CACNA1C: variants seen among roughly 807,000 people sequenced by gnomAD.
The protein encoded by CACNA1C is calcium voltage-gated channel subunit alpha1 C.
In CACNA1C, 30 loss-of-function variants were observed where a neutral mutation model predicts 229.0. The observed-to-expected ratio is 0.13, with a 90% CI of 0.10 to 0.18. The LOEUF is 0.18. Among genes scored for constraint, CACNA1C ranks in the 10% least tolerant of loss-of-function variants. CACNA1C has a pLI of 1.00. For missense variants in CACNA1C, 1,658 were observed against 2,845.0 expected (o/e 0.58, Z 9.49); for synonymous variants, 1,114 against 1,132.5 (o/e 0.98, Z 0.33).
intron 38 of CACNA1C, among the ~76,000 whole-genome samples, chr12:2,673,983 A>T (rs2096672573): frequency 6.6e-6 from 1 of 152,220 alleles, no homozygotes; most frequent in Non-Finnish European, 1.5e-5. Flanking sequence ...TTCCTTTTTC[A>T]TCACTGTAAG....
intron 3 of CACNA1C, among the ~76,000 whole-genome samples, chr12:2,318,113 G>T (rs574297512): frequency 1.3e-5 from 2 of 151,852 alleles, no homozygotes; most frequent in East Asian, 3.9e-4. Context: ...CCGGCCCAGG[G>T]TTTGGAATAG....
chr12:2,501,236 T>TAAAAAAAAAAAAAAAAAAAAAAAAAAAA (rs2099759477), intron 7 of CACNA1C, among the ~76,000 whole-genome samples: 1 of 87,858 alleles, frequency 1.1e-5, no homozygotes. Context: ...AAAAAAAAAG[T>TAAAAAAAAAAAAAAAAAAAAAAAAAAAA]AAAGCAATAC....
intron 1 of CACNA1C, among the ~76,000 whole-genome samples, chr12:2,082,531 G>A (rs532471576): frequency 3.9e-5 from 6 of 152,246 alleles, no homozygotes; most frequent in Admixed American, 2.0e-4. Flanking sequence ...ATGCAGGAGC[G>A]ATCATAGCAT....
At chr12:1,982,809 T>A (rs2154465920) in intron 1 of CACNA1C, among the ~76,000 whole-genome samples, 1 of 152,260 alleles carries the variant, frequency 6.6e-6, no homozygotes, top group African/African-American at 2.4e-5. Context: ...ATAAAATGAG[T>A]TGGAAAATAA....
chr12:2,510,710 G>A (rs1320244928), intron 8 of CACNA1C, among the ~76,000 whole-genome samples: 1 of 152,214 alleles, frequency 6.6e-6, no homozygotes, highest in Non-Finnish European at 1.5e-5. Context: ...ACTCAAAAGA[G>A]CTGAAGTGAG....
chr12:2,112,265 A>G (rs190298580), intron 1 of CACNA1C, among the ~76,000 whole-genome samples: 150 of 152,144 alleles, frequency 9.9e-4, no homozygotes, highest in Middle Eastern at 3.4e-3. Flanking sequence ...ATTAATTCCA[A>G]TGCACTCTTT....
intron 3 of CACNA1C, among the ~76,000 whole-genome samples, chr12:2,316,063 A>T (rs539793119): frequency 6.6e-6 from 1 of 152,256 alleles, no homozygotes. Flanking sequence ...CAGCACCTTC[A>T]TGGACAGAGA....
intron 13 of CACNA1C, among the ~76,000 whole-genome samples, chr12:2,580,805 T>C (rs2060216573): frequency 6.6e-6 from 1 of 152,222 alleles, no homozygotes; most frequent in Non-Finnish European, 1.5e-5. Context: ...GGACTCGTGC[T>C]TTGAGCTGCC....
At chr12:2,071,649 C>T (rs1054033009) in intron 1 of CACNA1C, among the ~76,000 whole-genome samples, 2 of 152,098 alleles carry the variant, frequency 1.3e-5, no homozygotes, top group African/African-American at 4.8e-5. Context: ...CTTTCATATT[C>T]CATATTTTGT....
chr12:2,526,891 C>T (rs2099819365), intron 9 of CACNA1C, among the ~76,000 whole-genome samples: 1 of 152,170 alleles, frequency 6.6e-6, no homozygotes, highest in African/African-American at 2.4e-5. Context: ...AAAGTAACCC[C>T]AGCAAAGATC....
chr12:2,369,650 C>T (rs893824280), intron 3 of CACNA1C, among the ~76,000 whole-genome samples: 12 of 152,096 alleles, frequency 7.9e-5, no homozygotes, highest in South Asian at 2.1e-4. Flanking sequence ...GTGATCCTCC[C>T]GCCTTGGCCT....
chr12:2,478,618 C>T lies in CACNA1C; in HGVS notation c.758-7486C>T, dbSNP rs2099643695. Among the ~76,000 whole-genome samples the T allele has an allele frequency of 2.0e-5, 3 of 152,192 alleles. No homozygotes were observed. In the South Asian group the frequency reaches 6.2e-4, roughly 32 times the overall value. ...TATGGGCCTGATGTTGTTCTGGGCA[C>T]TTTGCTTAAATTAACTTGTTTAATC... On this transcript the variant is annotated intron_variant, in intron 5 of 46. Transcript: ENST00000399655.
intron 1 of CACNA1C, among the ~76,000 whole-genome samples, chr12:2,102,351 GT>G (rs141424327): frequency 0.021 from 3,141 of 152,302 alleles, 48 homozygotes; most frequent in East Asian, 0.066. Context: ...GAGCTTGTGA[GT>G]TGCTGGGAAA....
intron 3 of CACNA1C, among the ~76,000 whole-genome samples, chr12:2,221,111 G>T (rs1389656555): frequency 6.6e-6 from 1 of 152,176 alleles, no homozygotes; most frequent in Admixed American, 6.5e-5. Flanking sequence ...GGCATAGCAA[G>T]TACAAAGGCC....
At chr12:2,395,713 T>A (rs1017899308) in intron 3 of CACNA1C, among the ~76,000 whole-genome samples, 1 of 152,160 alleles carries the variant, frequency 6.6e-6, no homozygotes, top group Non-Finnish European at 1.5e-5. Context: ...AGGCTTCCCA[T>A]GTATTCCTTT....
chr12:2,217,451 T>A (rs1423760768), intron 3 of CACNA1C: 1 of 152,222 alleles, frequency 6.6e-6, no homozygotes, highest in Non-Finnish European at 1.5e-5. Context: ...ACCTAAAAAA[T>A]TAATTTCAGA....
At chr12:2,386,281 A>G (rs1207746972) in intron 3 of CACNA1C, among the ~76,000 whole-genome samples, 1 of 152,114 alleles carries the variant, frequency 6.6e-6, no homozygotes, top group Non-Finnish European at 1.5e-5. Context: ...CGGCTCAGGT[A>G]TTTACATGAT....
chr12:2,098,112 T>C (rs1441480192), intron 1 of CACNA1C, among the ~76,000 whole-genome samples: 1 of 152,246 alleles, frequency 6.6e-6, no homozygotes, highest in Admixed American at 6.5e-5. Flanking sequence ...TACTGACTTC[T>C]GGCCTAGTTC....
intron 1 of CACNA1C, among the ~76,000 whole-genome samples, chr12:1,996,632 A>C (rs1039632782): frequency 1.6e-4 from 17 of 108,924 alleles, no homozygotes; most frequent in East Asian, 4.4e-4. Flanking sequence ...AAAAAAAAAA[A>C]AAAAAAAAAA....
Sources: allele counts gnomAD v4.1 joint callset (sites outside exome capture counted in the v4.1 genomes callset), GRCh38; gene constraint gnomAD v4.1.1; transcripts MANE v1.5; gene names NCBI Gene and HGNC (gene_info 2026-07-23, HGNC 2026-07-21).